The following WDR74 variants were observed in gnomAD, a reference collection of about 807,000 sequenced individuals.
WDR74 encodes WD repeat domain 74.
Under a neutral mutation model 45.6 loss-of-function variants are expected in WDR74, and 31 were observed. The observed-to-expected ratio is 0.68, with a 90% CI of 0.51 to 0.92. The LOEUF is 0.92. Among genes scored for constraint, WDR74 ranks in the 40% least tolerant of loss-of-function variants. The pLI is 0.00. For synonymous variants in WDR74, 191 were observed against 192.4 expected, an observed-to-expected ratio of 0.99 and a Z score of 0.06; for missense variants, 455 against 497.2, an observed-to-expected ratio of 0.92 and a Z score of 0.81.
At chr11:62,834,685 G>C (rs2084932972) in intron 6 of WDR74, 158 bp from the exon 7 acceptor site, 1 of 662,500 alleles carries the variant, frequency 1.5e-6, no homozygotes, top group Non-Finnish European at 2.5e-6. Context: ...CTGAGCATCA[G>C]GGTGTCAGGA....
Position 62,833,603 on chromosome 11 carries a change from G to T in WDR74, c.978+15C>A, listed in dbSNP as rs1166370145. 6.4e-7 allele frequency: 1 copy of T among 1,551,618 alleles called. No individual in the cohort carries two copies. Among genetic ancestry groups the T allele is most frequent in the South Asian group, 1.2e-5 (1 of 84,032 alleles). ...TATGCCCTTGGCTCCCACATTCCCGGGCCCAACTGCTCACCTCCCAGTTGT... is the reference window on the plus strand; with the variant it reads ...TATGCCCTTGGCTCCCACATTCCCGTGCCCAACTGCTCACCTCCCAGTTGT... On this transcript the variant is annotated intron_variant, in intron 10 of 10. Transcript: ENST00000278856.
chr11:62,838,231 C>T (rs1385889727), intron 3 of WDR74, among the ~76,000 whole-genome samples: 1 of 152,142 alleles, frequency 6.6e-6, no homozygotes, highest in African/African-American at 2.4e-5. Flanking sequence ...CTGCTCACTG[C>T]AACCTCTGCG....
intron 3 of WDR74, among the ~76,000 whole-genome samples, chr11:62,837,933 C>A (rs2084983112): frequency 6.6e-6 from 1 of 152,074 alleles, no homozygotes. Flanking sequence ...GAGACCCCAT[C>A]TCTATAAAAA....
Position 62,833,314 on chromosome 11 carries a change from A to G in WDR74, c.979-183T>C, listed in dbSNP as rs1281443113. On this transcript the variant is annotated intron_variant, in intron 10 of 10. Coordinates refer to ENST00000278856, the MANE Select transcript of WDR74 (RefSeq NM_001369450.1). The stretch of plus-strand genomic sequence containing the variant: ...AGAAGTTTAAAAAAAAAAAAAAAAA[A>G]AAAAAAAAAGAAAAGTAGTCAGGGG... Among the ~76,000 whole-genome samples the G allele has an allele frequency of 5.3e-4, 80 of 150,876 alleles. 1 individual carries two copies. Among genetic ancestry groups the G allele is most frequent in the African/African-American group, 1.7e-3 (70 of 41,266 alleles).
chr11:62,836,877 A>C (rs2084967257), intron 3 of WDR74, among the ~76,000 whole-genome samples: 1 of 152,196 alleles, frequency 6.6e-6, no homozygotes, highest in Admixed American at 6.5e-5. Flanking sequence ...GTTCCAGACC[A>C]GCCTGGCCAA....
At position 62,839,552 on chromosome 11, in the gene WDR74, G is replaced by T; in HGVS notation, c.19C>A (p.Arg7Ser). 1 of 1,612,064 alleles carries T rather than the reference G, an allele frequency of 6.2e-7. No homozygotes were observed. Among genetic ancestry groups the T allele is most frequent in the South Asian group, 1.1e-5 (1 of 91,026 alleles). Reference protein sequence around the residue: MAAAAARWNHVWVGTET... With the variant: MAAAAASWNHVWVGTET... The stretch of plus-strand genomic sequence containing the variant: ...GTGCCGACCCACACATGGTTCCAGC[G>T]TGCAGCAGCAGCCGCCATGACAAAG... Residue 7 changes from arginine (R) to serine (S), a missense_variant, in exon 1 of 11, where the codon CGC (arginine) becomes AGC (serine). Coordinates refer to ENST00000278856, the MANE Select transcript of WDR74 (RefSeq NM_001369450.1).
intron 8 of WDR74, 54 bp from the exon 9 acceptor site, chr11:62,833,991 C>G: frequency 1.3e-6 from 2 of 1,597,810 alleles, no homozygotes. Context: ...ACCAACCATT[C>G]ATTGTTTCCT....
chr11:62,838,018 G>A lies in WDR74; in HGVS notation c.293+1096C>T, dbSNP rs191357156. ...CTCAGGAGGTTGAGGCGGGAGGATC[G>A]TTTGACCCCGGGAGGTTGAGGCTGT... is the stretch of plus-strand genomic sequence containing the variant. On this transcript the variant is annotated intron_variant, in intron 3 of 10. Coordinates refer to ENST00000278856, the MANE Select transcript of WDR74 (RefSeq NM_001369450.1). 5.9e-5 allele frequency among the ~76,000 whole-genome samples: 9 copies of A among 152,232 alleles called. No individual in the cohort carries two copies. In the East Asian group the frequency reaches 1.7e-3, roughly 29 times the overall value.
upstream of WDR74, chr11:62,840,380 G>A (rs1309846179): frequency 6.6e-6 from 1 of 152,022 alleles, no homozygotes; most frequent in African/African-American, 2.4e-5. Flanking sequence ...CTACTCCGGA[G>A]GCTGAGGCAG....
rs966991198 is a variant in WDR74 at position 62,836,122 on chromosome 11, C to T, written c.294-86G>A. On this transcript the variant is annotated intron_variant, in intron 3 of 10. Transcript: ENST00000278856. ...CTCTCCTCCTTACTACTACAGTTGA[C>T]TAATGTTTAAAGAAAAAAAAAAGTA... 4 of 1,317,670 alleles carry T rather than the reference C, an allele frequency of 3.0e-6. No homozygotes were observed. In the African/African-American group the frequency reaches 4.4e-5, roughly 15 times the overall value. 81.6% of individuals were successfully genotyped at this position (1,317,670 alleles called of 1,614,324 possible).
At position 62,833,546 on chromosome 11, in the gene WDR74, C is replaced by T. The variant is rs557025803; in HGVS notation, c.978+72G>A. On this transcript the variant is annotated intron_variant, in intron 10 of 10. Coordinates refer to ENST00000278856, the MANE Select transcript of WDR74 (RefSeq NM_001369450.1). The stretch of plus-strand genomic sequence containing the variant: ...TCCCAAGTCTGCATTCCAGCTGCCT[C>T]CTTTTCCTCTCCATAGGGAGGTCCT... 79 of 1,523,474 alleles carry T rather than the reference C, an allele frequency of 5.2e-5. No individual in the cohort carries two copies. In the South Asian group the frequency reaches 9.0e-4, roughly 17 times the overall value. The allele number at this position is 1,523,474 out of a possible 1,614,324, so 94.4% of individuals were successfully genotyped here. A position where few individuals can be genotyped will look rare whatever the true frequency, so the allele number is the denominator to read the frequency against.
At chr11:62,841,556 A>AT (rs528179111), upstream of WDR74, 1 of 152,120 alleles carries the variant, frequency 6.6e-6, no homozygotes, top group Non-Finnish European at 1.5e-5. Flanking sequence ...GAACATAACT[A>AT]TTTAGCTTGT....
At chr11:62,834,389 A>AGCGGG in intron 7 of WDR74, 38 bp downstream of exon 7, 10 of 1,591,998 alleles carry the variant, frequency 6.3e-6, no homozygotes, top group South Asian at 1.1e-5. Flanking sequence ...GCCCTTCTCA[A>AGCGGG]GCCCCACCCT....
chr11:62,834,194 G>A, intron 8 of WDR74, 82 bp downstream of exon 8: 1 of 1,590,910 alleles, frequency 6.3e-7, no homozygotes, highest in Non-Finnish European at 8.6e-7. Context: ...AGGCCTCACT[G>A]GCCCCACTGC....
At chr11:62,834,856 T>C (rs1044974780) in intron 6 of WDR74, 3 of 340,080 alleles carry the variant, frequency 8.8e-6, no homozygotes, top group African/African-American at 6.2e-5. Flanking sequence ...CAAGCAGGGG[T>C]TAGCCTGAAT....
upstream of WDR74, chr11:62,841,569 C>G (rs61893800): frequency 6.6e-6 from 1 of 152,146 alleles, no homozygotes; most frequent in African/African-American, 2.4e-5. Flanking sequence ...TAGCTTGTAC[C>G]CTAACTGATC....
chr11:62,841,451 C>T (rs1179277264), upstream of WDR74: 1 of 152,234 alleles, frequency 6.6e-6, no homozygotes, highest in Admixed American at 6.5e-5. Flanking sequence ...GCTCCGTGCT[C>T]AGTTATAAAA....
upstream of WDR74, chr11:62,841,614 CGAAGG>C (rs2085059727): frequency 6.6e-6 from 1 of 152,206 alleles, no homozygotes; most frequent in East Asian, 1.9e-4. Context: ...GTTCTCTCCC[CGAAGG>C]GAGAGTGCAC....
At chr11:62,834,035 G>T in intron 8 of WDR74, 98 bp from the exon 9 acceptor site, 1 of 1,528,600 alleles carries the variant, frequency 6.5e-7, no homozygotes. Context: ...CATTTAATCT[G>T]CAACAAAACC....
Sources: gnomAD v4.1 joint callset for allele counts (sites outside exome capture counted in the v4.1 genomes callset) on GRCh38, gnomAD v4.1.1 for gene constraint, MANE v1.5 for transcripts, NCBI Gene and HGNC (gene_info 2026-07-23, HGNC 2026-07-21) for gene names.